The following GYG1 variants were observed in gnomAD, a reference collection of about 807,000 sequenced individuals.
The protein encoded by GYG1 is glycogenin-1.
A neutral mutation model predicts 41.9 loss-of-function variants in GYG1; 44 were observed. The observed-to-expected ratio is 1.05, with a 90% confidence interval of 0.83 to 1.35. The LOEUF (loss-of-function observed/expected upper bound fraction) is 1.35, where lower values mean the gene tolerates loss of function less well. Ranked by LOEUF, GYG1 falls within the 40% of genes most tolerant of loss-of-function variation. The pLI, the probability that GYG1 is intolerant of heterozygous loss-of-function variation, is 0.00. For synonymous variants in GYG1, 141 were observed against 158.1 expected, an observed-to-expected ratio of 0.89 and a Z score of 0.81; for missense variants, 429 against 418.9, an observed-to-expected ratio of 1.02 and a Z score of -0.21.
At position 149,026,778 on chromosome 3, in the gene GYG1, A is replaced by AT. The variant is rs1559845507; in HGVS notation, c.899dup (p.Ser301IlefsTer31). The AT allele has an allele frequency of 1.2e-6, 2 of 1,611,800 alleles. No homozygotes were observed. The highest frequency in any genetic ancestry group is 1.7e-6 in the Non-Finnish European group (2 of 1,177,844). ...TTTCTAGGAAGATGTCTCAGGAGCCATATCACATCTGTCCCTTGGGGAGAT... is the reference window on the plus strand; with the variant it reads ...TTTCTAGGAAGATGTCTCAGGAGCCATTATCACATCTGTCCCTTGGGGAGAT... On this transcript the variant is annotated frameshift_variant, in exon 8 of 8. Transcript: ENST00000345003. LOFTEE classifies it high-confidence loss of function.
intron 5 of GYG1, among the ~76,000 whole-genome samples, chr3:149,016,958 G>A (rs991455245): frequency 6.6e-6 from 1 of 152,146 alleles, no homozygotes; most frequent in Non-Finnish European, 1.5e-5. Context: ...TTGCTGCCAT[G>A]ATTCCCAGAG....
chr3:149,012,756 G>C (rs1165326142), intron 5 of GYG1, among the ~76,000 whole-genome samples: 1 of 151,874 alleles, frequency 6.6e-6, no homozygotes, highest in Non-Finnish European at 1.5e-5. Flanking sequence ...GGCATAATTT[G>C]AAAATTAAAA....
chr3:149,029,095 CAT>C lies in GYG1; in HGVS notation c.*2164_*2165del, dbSNP rs1200015335. Reference sequence around the variant, plus strand: ...AAAGAATGACAAGCTTACCATAAGACATAGCATATAATGCTGTCAAGTTATTT... The same window carrying C: ...AAAGAATGACAAGCTTACCATAAGACAGCATATAATGCTGTCAAGTTATTT... On this transcript the variant is annotated 3_prime_UTR_variant, in exon 8 of 8. Coordinates refer to ENST00000345003, the MANE Select transcript of GYG1 (RefSeq NM_004130.4). Among the ~76,000 whole-genome samples, 4 of 152,212 alleles carry C rather than the reference CAT, an allele frequency of 2.6e-5. No individual in the cohort carries two copies. The highest frequency in any genetic ancestry group is 2.1e-4 in the South Asian group (1 of 4,836).
At chr3:149,005,039 T>G (rs79836449) in intron 4 of GYG1, among the ~76,000 whole-genome samples, 1 of 152,206 alleles carries the variant, frequency 6.6e-6, no homozygotes, top group African/African-American at 2.4e-5. Context: ...GGAATTAGAT[T>G]TCTTTACTGC....
At chr3:149,021,429 C>T (rs1714369576) in intron 5 of GYG1, among the ~76,000 whole-genome samples, 1 of 152,154 alleles carries the variant, frequency 6.6e-6, no homozygotes, top group Non-Finnish European at 1.5e-5. Flanking sequence ...ATATCCTCTT[C>T]ATTTATCAGA....
At chr3:149,021,455 A>T (rs1714370906) in intron 5 of GYG1, among the ~76,000 whole-genome samples, 4 of 152,210 alleles carry the variant, frequency 2.6e-5, no homozygotes, top group Non-Finnish European at 4.4e-5. Context: ...CAAACCGTGG[A>T]ATGATCAATT....
At chr3:149,025,472 G>A (rs868783502) in intron 6 of GYG1, among the ~76,000 whole-genome samples, 44 of 152,234 alleles carry the variant, frequency 2.9e-4, no homozygotes, top group African/African-American at 1.1e-3. Flanking sequence ...TCCGTGGCCT[G>A]GGGGTTGGGG....
At chr3:148,993,270 A>G (rs1712590026) in intron 1 of GYG1, among the ~76,000 whole-genome samples, 1 of 122,242 alleles carries the variant, frequency 8.2e-6, no homozygotes, top group Non-Finnish European at 1.6e-5. Context: ...TCTTCTGGCA[A>G]CTAAGTGATT....
chr3:149,023,666 A>T (rs1714488408), intron 5 of GYG1, among the ~76,000 whole-genome samples: 1 of 152,238 alleles, frequency 6.6e-6, no homozygotes, highest in South Asian at 2.1e-4. Flanking sequence ...TCTGTCTCAC[A>T]ATGTCACAGT....
chr3:149,010,007 G>A (rs1713627772), intron 5 of GYG1, among the ~76,000 whole-genome samples: 1 of 152,168 alleles, frequency 6.6e-6, no homozygotes, highest in South Asian at 2.1e-4. Context: ...ATGTAGCATG[G>A]TTAGAAGAGG....
At chr3:149,020,714 A>G (rs1024413697) in intron 5 of GYG1, among the ~76,000 whole-genome samples, 1 of 152,248 alleles carries the variant, frequency 6.6e-6, no homozygotes, top group Non-Finnish European at 1.5e-5. Flanking sequence ...TTTAATTAGT[A>G]TTACTATCAT....
rs71617495 is a variant in GYG1, at chr3:149,022,498, C to CTTTTTTTTTTTTT, written c.609-1549_609-1537dup. 2.1e-3 allele frequency among the ~76,000 whole-genome samples: 149 copies of CTTTTTTTTTTTTT among 69,576 alleles called. 18 individuals are homozygous for CTTTTTTTTTTTTT. Among genetic ancestry groups the CTTTTTTTTTTTTT allele is most frequent in the African/African-American group, 5.8e-3 (97 of 16,824 alleles). The allele number at this position is 69,576 out of a possible 152,430, so 45.6% of individuals were successfully genotyped here. A position where few individuals can be genotyped will look rare whatever the true frequency, so the allele number is the denominator to read the frequency against. ...AACAGTACCTTTTTTCTTGTTTTGC[C>CTTTTTTTTTTTTT]TTTTTTTTTTTTTTTTTTGAGATGG... On this transcript the variant is annotated intron_variant, in intron 5 of 7. Transcript: ENST00000345003.
Position 149,028,448 on chromosome 3 carries a change from A to AT in GYG1, c.*1518dup, listed in dbSNP as rs1271088542. ...ACAATGAAGCATTTACCAAAGATTTATTTAAGTGCCTCCATGTGTCAGATG... is the reference window on the plus strand; with the variant it reads ...ACAATGAAGCATTTACCAAAGATTTATTTTAAGTGCCTCCATGTGTCAGATG... On this transcript the variant is annotated 3_prime_UTR_variant, in exon 8 of 8. Transcript: ENST00000345003. Among the ~76,000 whole-genome samples, 1 of 152,198 alleles carries AT rather than the reference A, an allele frequency of 6.6e-6. No individual in the cohort carries two copies. Among genetic ancestry groups the AT allele is most frequent in the Non-Finnish European group, 1.5e-5 (1 of 68,012 alleles).
At chr3:148,999,188 C>T (rs1376641398) in intron 4 of GYG1, among the ~76,000 whole-genome samples, 4 of 152,180 alleles carry the variant, frequency 2.6e-5, no homozygotes, top group Non-Finnish European at 5.9e-5. Flanking sequence ...CTAGGAAGCA[C>T]TTCCTGCTTT....
At chr3:148,994,344 A>G in intron 2 of GYG1, 67 bp downstream of exon 2, 2 of 1,517,042 alleles carry the variant, frequency 1.3e-6, no homozygotes, top group Admixed American at 1.7e-5. Flanking sequence ...TGCTGACATC[A>G]TTGGACATTG....
intron 4 of GYG1, 50 bp from the exon 5 acceptor site, chr3:149,009,226 T>C (rs746273325): frequency 1.4e-6 from 2 of 1,421,342 alleles, no homozygotes; most frequent in South Asian, 1.2e-5. Context: ...TATAAAATTA[T>C]TAAACTGTCT....
intron 5 of GYG1, among the ~76,000 whole-genome samples, chr3:149,011,495 A>G (rs1345862768): frequency 1.3e-5 from 2 of 152,182 alleles, no homozygotes; most frequent in African/African-American, 4.8e-5. Context: ...GTTTGACTCC[A>G]TCTGATTTCC....
chr3:149,021,699 C>A (rs73162994), intron 5 of GYG1, among the ~76,000 whole-genome samples: 2 of 151,932 alleles, frequency 1.3e-5, no homozygotes, highest in Non-Finnish European at 2.9e-5. Context: ...CCCATCATGT[C>A]CTTAAAGAAT....
intron 5 of GYG1, among the ~76,000 whole-genome samples, chr3:149,023,018 A>G (rs978473052): frequency 1.4e-4 from 21 of 152,116 alleles, no homozygotes; most frequent in African/African-American, 4.6e-4. Context: ...ATAAGCAAAT[A>G]TTTCTTACAT....
Sources: allele counts gnomAD v4.1 joint callset (sites outside exome capture counted in the v4.1 genomes callset), GRCh38; gene constraint gnomAD v4.1.1; transcripts MANE v1.5; gene names NCBI Gene and HGNC (gene_info 2026-07-23, HGNC 2026-07-21).